Variants in ARHGAP18 observed in about 807,000 individuals in gnomAD.
The protein encoded by ARHGAP18 is Rho GTPase activating protein 18.
ARHGAP18 carries 67 observed loss-of-function variants against 86.2 expected under a neutral mutation model. The ratio of observed to expected loss-of-function variants is 0.78; its 90% CI spans 0.64 to 0.95. The LOEUF (loss-of-function observed/expected upper bound fraction) is 0.95. Among genes scored for constraint, ARHGAP18 ranks in the 40% least tolerant of loss-of-function variants. The pLI, the probability that ARHGAP18 is intolerant of heterozygous loss-of-function variation, is 0.00. For missense variants in ARHGAP18, 691 were observed against 780.4 expected (o/e 0.89, Z 1.37); for synonymous variants, 283 against 280.4 (o/e 1.01, Z -0.09).
At chr6:129,709,954 A>C in intron 1 of ARHGAP18, 70 bp downstream of exon 1, 9 of 1,296,636 alleles carry the variant, frequency 6.9e-6, no homozygotes, top group Non-Finnish European at 1.0e-5. Context: ...CCCCACGCCA[A>C]CTTCCCTGTC....
At chr6:129,604,513 C>A (rs1788813536) in intron 10 of ARHGAP18, among the ~76,000 whole-genome samples, 1 of 152,104 alleles carries the variant, frequency 6.6e-6, no homozygotes, top group African/African-American at 2.4e-5. Flanking sequence ...AAAGATGTTC[C>A]TCCCTATTTC....
At chr6:129,580,998 C>G (rs138299491) in intron 13 of ARHGAP18, among the ~76,000 whole-genome samples, 1 of 152,128 alleles carries the variant, frequency 6.6e-6, no homozygotes, top group African/African-American at 2.4e-5. Context: ...ACCTGAGAAA[C>G]CTGCTAAAAA....
chr6:129,622,181 G>C (rs148581212), intron 5 of ARHGAP18, among the ~76,000 whole-genome samples: 53 of 152,270 alleles, frequency 3.5e-4, no homozygotes, highest in Middle Eastern at 3.4e-3. Context: ...CAATGAGGTG[G>C]AGGGCCATTG....
chr6:129,640,856 G>A (rs953974369), intron 2 of ARHGAP18, among the ~76,000 whole-genome samples: 1 of 152,134 alleles, frequency 6.6e-6, no homozygotes, highest in African/African-American at 2.4e-5. Context: ...GGCATAGAAA[G>A]AAAGCTAATA....
At chr6:129,613,255 GA>G (rs144485650) in intron 7 of ARHGAP18, among the ~76,000 whole-genome samples, 2,664 of 144,320 alleles carry the variant, frequency 0.018, 28 homozygotes, top group Non-Finnish European at 0.029. Context: ...AAAAAGAAAA[GA>G]AAAAAAATTT....
intron 1 of ARHGAP18, among the ~76,000 whole-genome samples, chr6:129,658,802 G>C (rs1209403679): frequency 6.6e-6 from 1 of 152,092 alleles, no homozygotes; most frequent in East Asian, 1.9e-4. Context: ...TTTAAAGTCA[G>C]TAACTCATAA....
chr6:129,592,968 C>A (rs1174437957), intron 12 of ARHGAP18, among the ~76,000 whole-genome samples: 1 of 152,106 alleles, frequency 6.6e-6, no homozygotes, highest in Non-Finnish European at 1.5e-5. Context: ...ACTATTCTTT[C>A]TACTCGTATG....
chr6:129,596,266 T>C (rs1788614107), intron 12 of ARHGAP18, among the ~76,000 whole-genome samples: 1 of 152,100 alleles, frequency 6.6e-6, no homozygotes, highest in Non-Finnish European at 1.5e-5. Flanking sequence ...TCTGCTGGCT[T>C]CACTCCAGCT....
At position 129,706,885 on chromosome 6, in the gene ARHGAP18, CAA is replaced by C. The variant is rs34099358; in HGVS notation, c.113+3137_113+3138del. ...TGGGTGACAGAGTAAGACTCTGTCT[CAA>C]AAAAAAAAAAAAAAAAAAAAGACTT... On this transcript the variant is annotated intron_variant, in intron 1 of 14. Transcript: ENST00000368149. 6.4e-3 allele frequency among the ~76,000 whole-genome samples: 393 copies of C among 61,026 alleles called. 1 individual carries two copies. The highest frequency in any genetic ancestry group is 0.023 in the African/African-American group (351 of 14,956). The allele number at this position is 61,026 out of a possible 152,430, so 40.0% of individuals were successfully genotyped here. A position where few individuals can be genotyped will look rare whatever the true frequency, so the allele number is the denominator to read the frequency against.
chr6:129,614,236 G>C (rs143717387), intron 7 of ARHGAP18, among the ~76,000 whole-genome samples: 2 of 152,212 alleles, frequency 1.3e-5, no homozygotes, highest in Admixed American at 1.3e-4. Flanking sequence ...GAATCTTCTT[G>C]CAAATCAGTC....
rs542025867 is a variant in ARHGAP18 at position 129,577,315 on chromosome 6, A to ATCATG, written c.*1193_*1197dup. The stretch of plus-strand genomic sequence containing the variant: ...TTTTTCCTAAAGTACTACTAAAAGT[A>ATCATG]TCATGAACACCGTTTGTGCAGCATT... On this transcript the variant is annotated 3_prime_UTR_variant, in exon 15 of 15. Coordinates refer to ENST00000368149, the MANE Select transcript of ARHGAP18 (RefSeq NM_033515.3). The ATCATG allele has an allele frequency of 4.9e-4, 75 of 152,172 alleles. No homozygotes were observed. Among genetic ancestry groups the ATCATG allele is most frequent in the Non-Finnish European group, 8.5e-4 (58 of 68,016 alleles). The allele number at this position is 152,172 out of a possible 1,614,324, so 9.4% of individuals were successfully genotyped here.
chr6:129,625,894 TTATA>T (rs1303542798), intron 5 of ARHGAP18, among the ~76,000 whole-genome samples: 2 of 74,958 alleles, frequency 2.7e-5, no homozygotes, highest in East Asian at 6.0e-4. Context: ...ATATTATATA[TTATA>T]TATTTATATA....
At chr6:129,583,949 C>G (rs1300960506) in intron 13 of ARHGAP18, 39 bp downstream of exon 13, 5 of 1,588,824 alleles carry the variant, frequency 3.1e-6, no homozygotes, top group Non-Finnish European at 4.3e-6. Flanking sequence ...GAGCAAGTGA[C>G]TTATGCCATG....
intron 12 of ARHGAP18, among the ~76,000 whole-genome samples, chr6:129,590,320 G>T (rs912101748): frequency 3.3e-5 from 5 of 152,140 alleles, no homozygotes; most frequent in Non-Finnish European, 2.9e-5. Flanking sequence ...GTTCAGGGTG[G>T]TAAAAGGACT....
intron 13 of ARHGAP18, among the ~76,000 whole-genome samples, chr6:129,583,618 A>T (rs1364948869): frequency 6.6e-6 from 1 of 152,186 alleles, no homozygotes; most frequent in Non-Finnish European, 1.5e-5. Context: ...ATGCCACTGC[A>T]TCCTAATTAG....
intron 1 of ARHGAP18, among the ~76,000 whole-genome samples, chr6:129,709,486 T>C (rs1774863352): frequency 6.6e-6 from 1 of 152,180 alleles, no homozygotes; most frequent in Admixed American, 6.5e-5. Context: ...AAAATCCACA[T>C]ACACAAAAGA....
At chr6:129,662,174 C>A (rs1014004707) in intron 1 of ARHGAP18, among the ~76,000 whole-genome samples, 2 of 152,204 alleles carry the variant, frequency 1.3e-5, no homozygotes, top group African/African-American at 4.8e-5. Flanking sequence ...CTGCAGGTCA[C>A]AGAAGCAAAG....
At chr6:129,671,554 A>T (rs1584105139) in intron 1 of ARHGAP18, among the ~76,000 whole-genome samples, 1 of 152,098 alleles carries the variant, frequency 6.6e-6, no homozygotes, top group Middle Eastern at 3.4e-3. Context: ...ATTAAAAATT[A>T]CCCAGGTGCA....
chr6:129,683,088 T>G (rs1774353308), intron 1 of ARHGAP18, among the ~76,000 whole-genome samples: 1 of 151,756 alleles, frequency 6.6e-6, no homozygotes, highest in South Asian at 2.1e-4. Context: ...TTTGTTTTTT[T>G]TGAGACGGAG....
Sources: gnomAD v4.1 joint callset for allele counts (sites outside exome capture counted in the v4.1 genomes callset) on GRCh38, gnomAD v4.1.1 for gene constraint, MANE v1.5 for transcripts, NCBI Gene and HGNC (gene_info 2026-07-23, HGNC 2026-07-21) for gene names.